Variants in GPC6 observed in about 807,000 individuals in gnomAD.
The protein encoded by GPC6 is glypican 6.
In GPC6, 14 loss-of-function variants were observed where a neutral mutation model predicts 55.2. The observed-to-expected ratio is 0.25, with a 90% CI of 0.17 to 0.40. The LOEUF (loss-of-function observed/expected upper bound fraction) is 0.40, where lower values mean the gene tolerates loss of function less well. Among genes scored for constraint, GPC6 ranks in the 10% least tolerant of loss-of-function variants. GPC6 has a pLI of 1.00. For missense variants in GPC6, 641 were observed against 708.5 expected (o/e 0.90, Z 1.08); for synonymous variants, 278 against 259.6 (o/e 1.07, Z -0.68).
chr13:93,371,869 G>A (rs1874669902), intron 1 of GPC6, among the ~76,000 whole-genome samples: 1 of 152,090 alleles, frequency 6.6e-6, no homozygotes, highest in Non-Finnish European at 1.5e-5. Flanking sequence ...TAATGTCATA[G>A]AATTCATTGT....
intron 2 of GPC6, among the ~76,000 whole-genome samples, chr13:93,551,233 T>G (rs922925981): frequency 2.0e-4 from 31 of 152,128 alleles, no homozygotes; most frequent in African/African-American, 7.5e-4. Flanking sequence ...TGTATTGACA[T>G]TTAGCATATA....
chr13:93,731,702 A>T (rs1883826390), intron 2 of GPC6, among the ~76,000 whole-genome samples: 2 of 152,138 alleles, frequency 1.3e-5, no homozygotes, highest in Non-Finnish European at 2.9e-5. Context: ...ATATGAGTGG[A>T]TTATAGATAT....
chr13:94,122,474 A>G (rs928419218), intron 4 of GPC6, among the ~76,000 whole-genome samples: 12 of 152,088 alleles, frequency 7.9e-5, no homozygotes, highest in Admixed American at 2.0e-4. Context: ...GCTTTGCCCA[A>G]AGTTAGTAAT....
intron 4 of GPC6, among the ~76,000 whole-genome samples, chr13:94,082,238 A>G (rs530543831): frequency 1.3e-5 from 2 of 152,230 alleles, no homozygotes; most frequent in East Asian, 1.9e-4. Context: ...CATGTCCTCA[A>G]ATTCACACTT....
intron 4 of GPC6, among the ~76,000 whole-genome samples, chr13:94,094,062 C>T (rs1257466494): frequency 3.5e-4 from 2 of 5,704 alleles, no homozygotes; most frequent in East Asian, 0.026. Context: ...CTGCCTTTTT[C>T]GAAATGAATT....
chr13:93,292,287 A>C (rs558474170), intron 1 of GPC6, among the ~76,000 whole-genome samples: 8 of 152,296 alleles, frequency 5.3e-5, no homozygotes, highest in Non-Finnish European at 5.9e-5. Context: ...CTTCTACCTC[A>C]TGTGAATACT....
intron 1 of GPC6, among the ~76,000 whole-genome samples, chr13:93,461,756 A>G (rs1053140965): frequency 6.6e-6 from 1 of 152,158 alleles, no homozygotes; most frequent in African/African-American, 2.4e-5. Flanking sequence ...TCCCAAAGTC[A>G]ACATTCTGTG....
intron 4 of GPC6, among the ~76,000 whole-genome samples, chr13:94,265,019 C>A (rs1415621211): frequency 6.6e-6 from 1 of 152,166 alleles, no homozygotes; most frequent in African/African-American, 2.4e-5. Context: ...CTGGGTCCTA[C>A]CCACAACACG....
At chr13:93,940,020 T>G (rs1391307893) in intron 3 of GPC6, among the ~76,000 whole-genome samples, 1 of 152,182 alleles carries the variant, frequency 6.6e-6, no homozygotes, top group Non-Finnish European at 1.5e-5. Flanking sequence ...CATAACTTAT[T>G]ATGAAAAATA....
chr13:93,232,099 CT>C (rs5805794), intron 1 of GPC6, among the ~76,000 whole-genome samples: 2,336 of 147,056 alleles, frequency 0.016, 45 homozygotes, highest in African/African-American at 0.049. Flanking sequence ...ATTTACACAA[CT>C]TTTTTTTTTT....
the GPC6 span, among the ~76,000 whole-genome samples, chr13:93,219,339 G>A: frequency 1.9e-4 from 29 of 152,106 alleles, no homozygotes; most frequent in East Asian, 4.8e-3. Context: ...TGATCCACCC[G>A]CCTTGGCCTC....
At chr13:94,112,500 T>C (rs1886284808) in intron 4 of GPC6, among the ~76,000 whole-genome samples, 1 of 152,162 alleles carries the variant, frequency 6.6e-6, no homozygotes, top group African/African-American at 2.4e-5. Flanking sequence ...TTGAACTCCT[T>C]AAAACTTATG....
intron 3 of GPC6, among the ~76,000 whole-genome samples, chr13:93,882,184 T>C (rs1420060297): frequency 6.6e-6 from 1 of 152,034 alleles, no homozygotes; most frequent in Non-Finnish European, 1.5e-5. Context: ...TGACAGGGTC[T>C]CACTCTTTCG....
At chr13:93,236,658 G>T (rs1876244534) in intron 1 of GPC6, among the ~76,000 whole-genome samples, 1 of 152,162 alleles carries the variant, frequency 6.6e-6, no homozygotes, top group South Asian at 2.1e-4. Context: ...ATGGTCTGAG[G>T]TGAAACAGTT....
intron 2 of GPC6, among the ~76,000 whole-genome samples, chr13:93,801,960 A>G (rs549472830): frequency 1.3e-5 from 2 of 152,164 alleles, no homozygotes; most frequent in Non-Finnish European, 2.9e-5. Context: ...CATGCTGCAA[A>G]TGAATGAATG....
At chr13:94,188,341 C>G (rs1889270329) in intron 4 of GPC6, among the ~76,000 whole-genome samples, 1 of 152,128 alleles carries the variant, frequency 6.6e-6, no homozygotes, top group Admixed American at 6.5e-5. Context: ...AGCACAAGGT[C>G]ACTGGGATTG....
At chr13:93,498,307 C>T (rs1880386404) in intron 1 of GPC6, among the ~76,000 whole-genome samples, 1 of 152,138 alleles carries the variant, frequency 6.6e-6, no homozygotes, top group African/African-American at 2.4e-5. Context: ...GCCATTAGAG[C>T]CCTCACTCAG....
rs570682902 is a variant in GPC6, at chr13:93,539,095, G to T, written c.161-6168G>T. Among the ~76,000 whole-genome samples the T allele has an allele frequency of 5.9e-4, 90 of 152,226 alleles. 1 individual carries two copies. Among genetic ancestry groups the T allele is most frequent in the African/African-American group, 2.0e-3 (85 of 41,550 alleles). ...TTTGTTATTAAGAAAAATAACAAAT[G>T]ACAATATAAAAGTCATTAAAACACT... On this transcript the variant is annotated intron_variant, in intron 1 of 8. Coordinates refer to ENST00000377047, the MANE Select transcript of GPC6 (RefSeq NM_005708.5).
chr13:94,230,229 C>G (rs1224889197), intron 4 of GPC6, among the ~76,000 whole-genome samples: 1 of 152,096 alleles, frequency 6.6e-6, no homozygotes, highest in Admixed American at 6.6e-5. Flanking sequence ...AAAAGGAATT[C>G]TGGAACTGCT....
Sources: gnomAD v4.1 joint callset for allele counts (sites outside exome capture counted in the v4.1 genomes callset) on GRCh38, gnomAD v4.1.1 for gene constraint, MANE v1.5 for transcripts, NCBI Gene and HGNC (gene_info 2026-07-23, HGNC 2026-07-21) for gene names.